GPR89B: variants seen among roughly 807,000 people sequenced by gnomAD.
GPR89B encodes G protein-coupled receptor 89B.
A neutral mutation model predicts 52.4 loss-of-function variants in GPR89B; 25 were observed. The ratio of observed to expected loss-of-function variants is 0.48; its 90% confidence interval spans 0.35 to 0.67. The LOEUF is 0.67. GPR89B is among the 30% of genes least tolerant of loss of function. GPR89B has a pLI of 0.01. For missense variants in GPR89B, 146 were observed against 450.2 expected, an observed-to-expected ratio of 0.32 and a Z score of 6.11; for synonymous variants, 52 against 151.2, an observed-to-expected ratio of 0.34 and a Z score of 4.81.
At chr1:148,013,182 G>A in the GPR89B span, among the ~76,000 whole-genome samples, 3 of 152,086 alleles carry the variant, frequency 2.0e-5, 1 homozygote, top group South Asian at 4.1e-4. Context: ...ACAAAAGGAA[G>A]ATAGGCATTC....
chr1:147,949,595 A>C (rs587696387), intron 5 of GPR89B, among the ~76,000 whole-genome samples: 12 of 96,662 alleles, frequency 1.2e-4, no homozygotes, highest in African/African-American at 2.8e-4. Context: ...ACCTCCCTCC[A>C]GGACCGGGCA....
intron 5 of GPR89B, among the ~76,000 whole-genome samples, chr1:147,947,651 T>C (rs1444013809): frequency 2.6e-5 from 4 of 151,892 alleles, no homozygotes; most frequent in Non-Finnish European, 5.9e-5. Context: ...GAAAAAGATA[T>C]GTAATAAAAG....
chr1:147,962,423 C>CA (rs1176963367), intron 7 of GPR89B, among the ~76,000 whole-genome samples: 12,076 of 80,678 alleles, frequency 0.15, 636 homozygotes, highest in Middle Eastern at 0.22. Context: ...AACTCTGTCT[C>CA]AAAAAAAAAA....
In GPR89B at chr1:147,928,489, G is replaced by T. The variant is rs1166532114; in HGVS notation, c.-48G>T. 1.2e-6 allele frequency: 2 copies of T among 1,611,476 alleles called. No homozygotes were observed. Among genetic ancestry groups the T allele is most frequent in the Non-Finnish European group, 1.7e-6 (2 of 1,177,876 alleles). On this transcript the variant is annotated 5_prime_UTR_variant, in exon 1 of 14. Transcript: ENST00000314163. The stretch of plus-strand genomic sequence containing the variant: ...GGGCCTGTGGCCCCAGCGTGCTGTG[G>T]CCTCCGGGAGTGGGAAGTGGAGGCA...
chr1:148,006,053 C>T, the GPR89B span, among the ~76,000 whole-genome samples: 36 of 152,326 alleles, frequency 2.4e-4, no homozygotes, highest in Admixed American at 2.0e-3. Context: ...TTAGAGCTAA[C>T]TCGGCCTTTG....
the GPR89B span, among the ~76,000 whole-genome samples, chr1:148,015,335 C>CTCTCTCTA: frequency 7.3e-6 from 1 of 137,902 alleles, no homozygotes; most frequent in Non-Finnish European, 1.5e-5. Flanking sequence ...CTCTCTCTCT[C>CTCTCTCTA]GACGGAGTCT....
chr1:147,990,930 G>T (rs1179552280), intron 12 of GPR89B, among the ~76,000 whole-genome samples: 1 of 151,726 alleles, frequency 6.6e-6, no homozygotes, highest in Non-Finnish European at 1.5e-5. Flanking sequence ...TTGGCAATGC[G>T]GGCTCTTTTT....
chr1:148,009,959 C>A, the GPR89B span, among the ~76,000 whole-genome samples: 2 of 151,834 alleles, frequency 1.3e-5, no homozygotes, highest in East Asian at 3.9e-4. Context: ...GATGCATTCA[C>A]CCTATGAGTT....
At chr1:147,972,464 G>C (rs1657542285) in intron 10 of GPR89B, among the ~76,000 whole-genome samples, 1 of 150,596 alleles carries the variant, frequency 6.6e-6, no homozygotes, top group African/African-American at 2.5e-5. Context: ...AGTTTCAGTT[G>C]TTCACATCCT....
At chr1:148,010,237 T>C in the GPR89B span, 2 of 152,070 alleles carry the variant, frequency 1.3e-5, no homozygotes, top group Non-Finnish European at 2.9e-5. Flanking sequence ...AATCTTGGAG[T>C]GAAATTTTCA....
chr1:147,966,309 A>G (rs1446790637), intron 7 of GPR89B, among the ~76,000 whole-genome samples: 1 of 151,142 alleles, frequency 6.6e-6, no homozygotes, highest in Non-Finnish European at 1.5e-5. Flanking sequence ...CCCAGCTTCC[A>G]AATAGCAGAG....
intron 10 of GPR89B, among the ~76,000 whole-genome samples, chr1:147,984,746 C>T (rs1658541295): frequency 6.8e-6 from 1 of 147,208 alleles, no homozygotes; most frequent in African/African-American, 2.5e-5. Context: ...TCGAGTTTCC[C>T]TTTGATTTCT....
chr1:148,009,329 C>A, the GPR89B span: 27 of 1,611,096 alleles, frequency 1.7e-5, no homozygotes, highest in Non-Finnish European at 2.1e-5. Context: ...CCCTGCTCCC[C>A]AAAAAATTCT....
intron 10 of GPR89B, among the ~76,000 whole-genome samples, chr1:147,980,389 A>G (rs1378426737): frequency 2.5e-5 from 3 of 120,150 alleles, no homozygotes; most frequent in Admixed American, 9.7e-5. Flanking sequence ...CAGGTTATCT[A>G]TTTCTTCTTG....
the GPR89B span, chr1:148,010,384 C>T: frequency 6.6e-6 from 1 of 152,238 alleles, no homozygotes; most frequent in Non-Finnish European, 1.5e-5. Flanking sequence ...TGCCACTCAA[C>T]ATGCCTCCTG....
intron 11 of GPR89B, among the ~76,000 whole-genome samples, chr1:147,987,444 G>A (rs1277983983): frequency 4.0e-5 from 6 of 148,456 alleles, no homozygotes; most frequent in South Asian, 4.5e-4. Flanking sequence ...CACTTGAGCC[G>A]GGGAGAAAGA....
intron 10 of GPR89B, among the ~76,000 whole-genome samples, chr1:147,970,828 C>G (rs1386423105): frequency 2.7e-5 from 4 of 149,736 alleles, no homozygotes; most frequent in South Asian, 2.1e-4. Context: ...CAGTATTTGT[C>G]TTTACCTCTG....
chr1:147,959,284 G>A (rs1339295500), intron 7 of GPR89B, among the ~76,000 whole-genome samples: 3 of 152,078 alleles, frequency 2.0e-5, no homozygotes, highest in African/African-American at 7.3e-5. Context: ...ATTTTGTAGA[G>A]ATAGGAGGAA....
intron 10 of GPR89B, among the ~76,000 whole-genome samples, chr1:147,970,537 C>CTCTCTCTA (rs1657374481): frequency 4.4e-4 from 57 of 130,376 alleles, no homozygotes; most frequent in African/African-American, 1.7e-3. Context: ...CTCTCTCTAT[C>CTCTCTCTA]TCTATCTCTC....
Sources: allele counts gnomAD v4.1 joint callset (sites outside exome capture counted in the v4.1 genomes callset), GRCh38; gene constraint gnomAD v4.1.1; transcripts MANE v1.5; gene names NCBI Gene and HGNC (gene_info 2026-07-23, HGNC 2026-07-21).